The following PTPRD variants were observed in gnomAD, a reference collection of about 807,000 sequenced individuals.
The protein encoded by PTPRD is receptor-type tyrosine-protein phosphatase delta.
A neutral mutation model predicts 214.5 loss-of-function variants in PTPRD; 34 were observed. The observed-to-expected ratio is 0.16, with a 90% CI of 0.12 to 0.21. PTPRD has a LOEUF of 0.21. Among genes scored for constraint, PTPRD ranks in the 10% least tolerant of loss-of-function variants. The pLI, the probability that PTPRD is intolerant of heterozygous loss-of-function variation, is 1.00. For missense variants in PTPRD, 2,545 were observed against 2,398.7 expected, an observed-to-expected ratio of 1.06 and a Z score of -1.27; for synonymous variants, 1,128 against 845.7, an observed-to-expected ratio of 1.33 and a Z score of -5.79.
At chr9:9,347,077 G>T (rs1422613700) in intron 9 of PTPRD, among the ~76,000 whole-genome samples, 2 of 152,230 alleles carry the variant, frequency 1.3e-5, no homozygotes, top group South Asian at 4.1e-4. Context: ...CAATGCAGGA[G>T]CATCACTTGA....
intron 6 of PTPRD, among the ~76,000 whole-genome samples, chr9:9,755,523 C>G (rs923211608): frequency 2.6e-5 from 4 of 152,026 alleles, no homozygotes; most frequent in African/African-American, 9.7e-5. Flanking sequence ...GGTTCACAAT[C>G]AGTTTTATAT....
At chr9:9,056,679 G>T (rs1310844174) in intron 10 of PTPRD, among the ~76,000 whole-genome samples, 1 of 152,152 alleles carries the variant, frequency 6.6e-6, no homozygotes, top group Admixed American at 6.6e-5. Flanking sequence ...GGCTGAATAA[G>T]GTTGTGCTTA....
At chr9:10,454,711 A>C (rs1232214905) in intron 2 of PTPRD, among the ~76,000 whole-genome samples, 1 of 151,668 alleles carries the variant, frequency 6.6e-6, no homozygotes, top group Non-Finnish European at 1.5e-5. Flanking sequence ...CAGGATTTGC[A>C]TTAATTGTTT....
At chr9:10,028,954 T>C (rs1196654878) in intron 4 of PTPRD, among the ~76,000 whole-genome samples, 1 of 152,050 alleles carries the variant, frequency 6.6e-6, no homozygotes, top group African/African-American at 2.4e-5. Context: ...GCCTAGGAGA[T>C]GGCAGGGTGG....
intron 10 of PTPRD, among the ~76,000 whole-genome samples, chr9:9,139,111 C>T (rs1028009730): frequency 9.2e-5 from 14 of 151,898 alleles, no homozygotes; most frequent in East Asian, 1.9e-4. Context: ...CCCCCCGCCC[C>T]CACCTTATCC....
intron 9 of PTPRD, among the ~76,000 whole-genome samples, chr9:9,295,642 C>G (rs1952745050): frequency 6.6e-6 from 1 of 151,702 alleles, no homozygotes; most frequent in Admixed American, 6.6e-5. Context: ...ACTTTTCTCT[C>G]AAAAGTAATT....
chr9:9,315,555 G>C (rs1355638643), intron 9 of PTPRD, among the ~76,000 whole-genome samples: 1 of 151,872 alleles, frequency 6.6e-6, no homozygotes, highest in Non-Finnish European at 1.5e-5. Flanking sequence ...TGAAAACCTA[G>C]TCTGATGAAA....
intron 9 of PTPRD, among the ~76,000 whole-genome samples, chr9:9,336,095 A>T (rs943149580): frequency 6.6e-5 from 10 of 152,120 alleles, no homozygotes; most frequent in African/African-American, 2.4e-4. Context: ...ACACACACAT[A>T]ATCTTTTATT....
chr9:9,032,128 G>A (rs973742353), intron 10 of PTPRD, among the ~76,000 whole-genome samples: 10 of 151,672 alleles, frequency 6.6e-5, no homozygotes, highest in African/African-American at 1.9e-4. Context: ...CCTGTTTTGC[G>A]TGAGGGTCTG....
At chr9:8,454,746 A>G (rs1239812542) in intron 33 of PTPRD, among the ~76,000 whole-genome samples, 1 of 152,210 alleles carries the variant, frequency 6.6e-6, no homozygotes, top group African/African-American at 2.4e-5. Context: ...ACAGCGAATC[A>G]AAATATTTAT....
At chr9:9,517,904 T>A (rs10977834) in intron 8 of PTPRD, among the ~76,000 whole-genome samples, 27 of 151,632 alleles carry the variant, frequency 1.8e-4, no homozygotes, top group Non-Finnish European at 2.4e-4. Flanking sequence ...TTGAAACAAT[T>A]GTAATAATCT....
intron 7 of PTPRD, among the ~76,000 whole-genome samples, chr9:9,640,212 C>T (rs1332527266): frequency 6.6e-6 from 1 of 152,114 alleles, no homozygotes; most frequent in African/African-American, 2.4e-5. Flanking sequence ...ATCTCAGTGG[C>T]ATGCATGTGA....
intron 8 of PTPRD, among the ~76,000 whole-genome samples, chr9:9,477,511 A>T (rs2095146926): frequency 1.3e-5 from 2 of 152,202 alleles, no homozygotes; most frequent in African/African-American, 2.4e-5. Context: ...TAAAGTTCTG[A>T]TTATTCATTT....
At chr9:10,274,897 T>C (rs1056670774) in intron 3 of PTPRD, among the ~76,000 whole-genome samples, 2 of 152,110 alleles carry the variant, frequency 1.3e-5, no homozygotes, top group African/African-American at 2.4e-5. Context: ...GACGGTGGAA[T>C]AGATGGTATG....
intron 7 of PTPRD, among the ~76,000 whole-genome samples, chr9:9,614,737 TA>T (rs2094748746): frequency 6.6e-6 from 1 of 152,208 alleles, no homozygotes; most frequent in Non-Finnish European, 1.5e-5. Context: ...CTTATACCTA[TA>T]TATGCCAATT....
intron 25 of PTPRD, among the ~76,000 whole-genome samples, chr9:8,498,564 G>A (rs144373110): frequency 1.2e-4 from 18 of 152,296 alleles, no homozygotes; most frequent in Admixed American, 6.5e-4. Context: ...ACCTGGTGCC[G>A]CAGTTTTCAA....
rs1481867174 is a variant in PTPRD at position 8,319,924 on chromosome 9, A to G, written c.5577T>C (p.Ile1859=). 1 of 1,613,086 alleles carries G rather than the reference A, an allele frequency of 6.2e-7. No homozygotes were observed. ...CTTCATATCTCATTCTTTCCAAAACAATGCTTAGCGTTATGAAGACTCCAG... is the reference window on the plus strand; with the variant it reads ...CTTCATATCTCATTCTTTCCAAAACGATGCTTAGCGTTATGAAGACTCCAG... ...GRTGVFITLS[I]VLERMRYEGV... The change falls in exon 45 of 46, where the codon ATT becomes ATC. Residue 1859 remains isoleucine, a synonymous_variant. Transcript: ENST00000381196.
intron 14 of PTPRD, among the ~76,000 whole-genome samples, chr9:8,595,257 G>T (rs566677856): frequency 6.6e-6 from 1 of 151,252 alleles, no homozygotes; most frequent in Admixed American, 6.6e-5. Context: ...AACTATGGCA[G>T]AAGAGTTTGA....
chr9:8,612,944 G>A lies in PTPRD; in HGVS notation c.352+20373C>T, dbSNP rs79942511. On this transcript the variant is annotated intron_variant, in intron 14 of 45. Transcript: ENST00000381196. ...TATGGCATTGTTATGAACTACTACCGTGCCTTCAGACTGATTAGGTATTAA... is the reference window on the plus strand; with the variant it reads ...TATGGCATTGTTATGAACTACTACCATGCCTTCAGACTGATTAGGTATTAA... Among the ~76,000 whole-genome samples the A allele has an allele frequency of 1.6e-4, 25 of 152,154 alleles. No individual in the cohort carries two copies. In the East Asian group the frequency reaches 2.5e-3, roughly 15 times the overall value.
Sources: gnomAD v4.1 joint callset for allele counts (sites outside exome capture counted in the v4.1 genomes callset) on GRCh38, gnomAD v4.1.1 for gene constraint, MANE v1.5 for transcripts, NCBI Gene and HGNC (gene_info 2026-07-23, HGNC 2026-07-21) for gene names.